Variants in MTAP observed in about 807,000 individuals in gnomAD.
MTAP encodes the protein S-methyl-5'-thioadenosine phosphorylase.
A neutral mutation model predicts 33.6 loss-of-function variants in MTAP; 33 were observed. The ratio of observed to expected loss-of-function variants is 0.98; its 90% confidence interval spans 0.74 to 1.31. The LOEUF (loss-of-function observed/expected upper bound fraction) is 1.31, where lower values mean the gene tolerates loss of function less well. Ranked by LOEUF, MTAP falls within the 40% of genes most tolerant of loss-of-function variation. The pLI is 0.00. For missense variants in MTAP, 367 were observed against 360.0 expected (o/e 1.02, Z -0.16); for synonymous variants, 148 against 125.7 (o/e 1.18, Z -1.19).
intron 1 of MTAP, among the ~76,000 whole-genome samples, chr9:21,890,132 G>T (rs1587277567): frequency 2.0e-5 from 3 of 152,142 alleles, no homozygotes; most frequent in East Asian, 3.9e-4. Context: ...TGCTGTGGGG[G>T]ATGGGGTATG....
At chr9:21,850,459 G>T (rs761677317) in intron 5 of MTAP, among the ~76,000 whole-genome samples, 1 of 152,164 alleles carries the variant, frequency 6.6e-6, no homozygotes, top group Non-Finnish European at 1.5e-5. Flanking sequence ...ACAGGAGAAG[G>T]CTCTGCAACA....
Position 21,864,355 on chromosome 9 carries a change from T to A in MTAP, c.*2341T>A. The A allele has an allele frequency of 1.0e-6, 1 of 985,270 alleles. No homozygotes were observed. Among genetic ancestry groups the A allele is most frequent in the Non-Finnish European group, 1.2e-6 (1 of 829,862 alleles). The allele number at this position is 985,270 out of a possible 1,614,324, so 61.0% of individuals were successfully genotyped here. A position where few individuals can be genotyped will look rare whatever the true frequency, so the allele number is the denominator to read the frequency against. On this transcript the variant is annotated 3_prime_UTR_variant, in exon 8 of 8. Coordinates refer to ENST00000644715, the MANE Select transcript of MTAP (RefSeq NM_002451.4). The stretch of plus-strand genomic sequence containing the variant: ...TCACTTGTGATGCTGTACTAATTTT[T>A]TTTTTTTAATTTAAGCTAGTATACT...
rs375979543 is a variant in MTAP at position 21,879,116 on chromosome 9, T to C, written c.147+24246T>C. Among the ~76,000 whole-genome samples the C allele has an allele frequency of 1.0e-3, 158 of 152,244 alleles. 4 individuals are homozygous for C. In the South Asian group the frequency reaches 0.032, roughly 31 times the overall value. ...TTCAGGTCCTGAATATGTTTGTTAA[T>C]TTTCTTCCTTGATGTTCTAATACTG... On this transcript the variant is annotated intron_variant, in intron 1 of 1. Coordinates refer to the MTAP transcript ENST00000577563.
chr9:21,845,897 G>T (rs1202006586), intron 5 of MTAP, among the ~76,000 whole-genome samples: 1 of 152,156 alleles, frequency 6.6e-6, no homozygotes, highest in Non-Finnish European at 1.5e-5. Flanking sequence ...AAACAGCATG[G>T]TACTGGTATA....
chr9:21,865,199 G>C lies in MTAP; in HGVS notation c.*3185G>C, dbSNP rs1425156804. ...TGGGGGTGGTTACCCCCACACTGCTGTTCTCATGATACTGAGTTCTCACAA... is the reference window on the plus strand; with the variant it reads ...TGGGGGTGGTTACCCCCACACTGCTCTTCTCATGATACTGAGTTCTCACAA... On this transcript the variant is annotated 3_prime_UTR_variant, in exon 8 of 8. Coordinates refer to ENST00000644715, the MANE Select transcript of MTAP (RefSeq NM_002451.4). 3.2e-6 allele frequency: 2 copies of C among 631,700 alleles called. No homozygotes were observed. The highest frequency in any genetic ancestry group is 2.0e-5 in the African/African-American group (1 of 50,274). 39.1% of individuals were successfully genotyped at this position (631,700 alleles called of 1,614,324 possible).
intron 4 of MTAP, among the ~76,000 whole-genome samples, chr9:21,823,831 A>T (rs1387937978): frequency 6.6e-6 from 1 of 151,906 alleles, no homozygotes; most frequent in African/African-American, 2.4e-5. Flanking sequence ...TTTTTTCTCT[A>T]AACTTCTCGC....
chr9:21,846,896 T>G (rs1299228971), intron 5 of MTAP, among the ~76,000 whole-genome samples: 1 of 152,198 alleles, frequency 6.6e-6, no homozygotes, highest in Non-Finnish European at 1.5e-5. Flanking sequence ...GGTGTGATGG[T>G]TAATACTGAG....
intron 1 of MTAP, among the ~76,000 whole-genome samples, chr9:21,901,649 T>G (rs371445380): frequency 1.3e-5 from 2 of 152,166 alleles, no homozygotes; most frequent in East Asian, 3.9e-4. Context: ...TGTATGGAGT[T>G]TTTAAAAAAG....
intron 1 of MTAP, among the ~76,000 whole-genome samples, chr9:21,878,330 T>C (rs73440431): frequency 5.3e-4 from 81 of 152,204 alleles, no homozygotes; most frequent in African/African-American, 1.8e-3. Context: ...ATGGTTTGTA[T>C]GTTCTTTCAT....
intron 1 of MTAP, chr9:21,893,289 A>G (rs1818230001): frequency 6.6e-6 from 1 of 152,216 alleles, no homozygotes; most frequent in Admixed American, 6.5e-5. Context: ...TGGTACAAAA[A>G]CAAAAACACA....
intron 4 of MTAP, among the ~76,000 whole-genome samples, chr9:21,820,764 A>T (rs1364355755): frequency 6.6e-6 from 1 of 152,208 alleles, no homozygotes; most frequent in Non-Finnish European, 1.5e-5. Context: ...TGAGCATGGA[A>T]TGTTCTTCCA....
At chr9:21,912,231 G>C (rs1024675308) in intron 1 of MTAP, among the ~76,000 whole-genome samples, 3 of 152,150 alleles carry the variant, frequency 2.0e-5, no homozygotes, top group Non-Finnish European at 4.4e-5. Context: ...CATTCCTTCT[G>C]AAACTATTCC....
chr9:21,887,268 C>G (rs537942686), intron 1 of MTAP, among the ~76,000 whole-genome samples: 3 of 152,058 alleles, frequency 2.0e-5, no homozygotes, highest in Non-Finnish European at 2.9e-5. Flanking sequence ...CCTCTCCCCC[C>G]ACCCCATAAT....
At chr9:21,826,116 AAAC>A (rs1380668620) in intron 4 of MTAP, among the ~76,000 whole-genome samples, 1 of 151,874 alleles carries the variant, frequency 6.6e-6, no homozygotes, top group East Asian at 1.9e-4. Context: ...GGGAATTTTT[AAAC>A]ATATACACAA....
chr9:21,902,859 AG>A lies in MTAP; in HGVS notation c.148-28148del, dbSNP rs547542985. ...CAAAACTGAATTCACCAGTTACAAA[AG>A]CAAATGATTAAGGTAAGAACAGAAA... On this transcript the variant is annotated intron_variant, in intron 1 of 1. Coordinates refer to the MTAP transcript ENST00000577563. Among the ~76,000 whole-genome samples, 588 of 152,364 alleles carry A rather than the reference AG, an allele frequency of 3.9e-3. 5 individuals are homozygous for A. The highest frequency in any genetic ancestry group is 0.013 in the African/African-American group (524 of 41,590).
chr9:21,829,422 T>TG (rs1444924089), intron 4 of MTAP, among the ~76,000 whole-genome samples: 1 of 151,952 alleles, frequency 6.6e-6, no homozygotes, highest in East Asian at 2.0e-4. Context: ...TTGTTGTTTT[T>TG]TTTTTTTGTT....
chr9:21,897,992 C>T (rs908328111), intron 1 of MTAP, among the ~76,000 whole-genome samples: 1 of 152,140 alleles, frequency 6.6e-6, no homozygotes, highest in Non-Finnish European at 1.5e-5. Context: ...TACTACAAGG[C>T]TACAGTAACC....
intron 5 of MTAP, among the ~76,000 whole-genome samples, chr9:21,843,041 C>CA (rs1422485252): frequency 6.6e-6 from 1 of 152,102 alleles, no homozygotes; most frequent in African/African-American, 2.4e-5. Context: ...CACATGAACT[C>CA]ACAAAAACTT....
Position 21,855,699 on chromosome 9 carries a change from C to CCAAAA in MTAP, c.690+846_690+850dup, listed in dbSNP as rs573401290. Among the ~76,000 whole-genome samples, 675 of 152,128 alleles carry CCAAAA rather than the reference C, an allele frequency of 4.4e-3. 8 individuals carry two copies. Among genetic ancestry groups the CCAAAA allele is most frequent in the Middle Eastern group, 6.8e-3 (2 of 294 alleles). ...GACACTGGAACAATGAGGTCAGCTT[C>CCAAAA]CAAAACAAAACAAAACAAAACTTTA... is the stretch of plus-strand genomic sequence containing the variant. On this transcript the variant is annotated intron_variant, in intron 6 of 7. Coordinates refer to ENST00000644715, the MANE Select transcript of MTAP (RefSeq NM_002451.4).
Sources: allele counts gnomAD v4.1 joint callset (sites outside exome capture counted in the v4.1 genomes callset), GRCh38; gene constraint gnomAD v4.1.1; transcripts MANE v1.5; gene names NCBI Gene and HGNC (gene_info 2026-07-23, HGNC 2026-07-21).